The following ANKRD44 variants were observed in gnomAD, a reference collection of about 807,000 sequenced individuals.
ANKRD44 encodes the protein ankyrin repeat domain 44, also known as serine/threonine-protein phosphatase 6 regulatory ankyrin repeat subunit B.
In ANKRD44, 35 loss-of-function variants were observed where a neutral mutation model predicts 116.0. The observed-to-expected ratio is 0.30, with a 90% CI of 0.23 to 0.40. The LOEUF is 0.40. ANKRD44 is among the 10% of genes least tolerant of loss of function. The pLI, the probability that ANKRD44 is intolerant of heterozygous loss-of-function variation, is 1.00. For synonymous variants in ANKRD44, 435 were observed against 461.8 expected (o/e 0.94, Z 0.74); for missense variants, 1,014 against 1,242.6 (o/e 0.82, Z 2.77).
At position 196,987,999 on chromosome 2, in the gene ANKRD44, A is replaced by G; in HGVS notation, c.*1592T>C. On this transcript the variant is annotated 3_prime_UTR_variant, in exon 28 of 28. Transcript: ENST00000282272. ...AGAGGAAGAGAGAGAGAGAGAGATC[A>G]GTTGATGTAATGAACAGTTCATTGT... 1 of 985,360 alleles carries G rather than the reference A, an allele frequency of 1.0e-6. No homozygotes were observed. The allele number at this position is 985,360 out of a possible 1,614,324, so 61.0% of individuals were successfully genotyped here.
chr2:197,269,252 T>C (rs2082826119), intron 1 of ANKRD44, among the ~76,000 whole-genome samples: 1 of 152,168 alleles, frequency 6.6e-6, no homozygotes, highest in Admixed American at 6.5e-5. Flanking sequence ...TGGCCTTTTA[T>C]AAATAAGCAA....
chr2:197,109,057 T>A (rs1574472406), intron 9 of ANKRD44, among the ~76,000 whole-genome samples: 1 of 152,300 alleles, frequency 6.6e-6, no homozygotes, highest in South Asian at 2.1e-4. Context: ...CGCACAGGGA[T>A]GAACCTGCGG....
At chr2:197,148,651 G>A (rs2125439033) in intron 2 of ANKRD44, among the ~76,000 whole-genome samples, 3 of 152,276 alleles carry the variant, frequency 2.0e-5, no homozygotes, top group Admixed American at 2.0e-4. Context: ...AAAACAGATG[G>A]CAGGCAGGGG....
At chr2:197,088,901 T>C (rs753731340) in intron 11 of ANKRD44, 127 bp from the exon 12 acceptor site, 2 of 1,006,382 alleles carry the variant, frequency 2.0e-6, no homozygotes, top group Non-Finnish European at 2.8e-6. Flanking sequence ...CAAGCAATTG[T>C]AGTCAGAAAG....
intron 9 of ANKRD44, among the ~76,000 whole-genome samples, chr2:197,108,022 C>T (rs1355852071): frequency 6.6e-6 from 1 of 152,200 alleles, no homozygotes; most frequent in Non-Finnish European, 1.5e-5. Context: ...AGGGAAAACT[C>T]TATTTCAAAT....
At chr2:197,223,660 A>G (rs1386272762) in intron 1 of ANKRD44, among the ~76,000 whole-genome samples, 1 of 152,244 alleles carries the variant, frequency 6.6e-6, no homozygotes, top group East Asian at 1.9e-4. Context: ...GGATAAAACC[A>G]GAAGGGAAAT....
At chr2:197,284,322 T>C (rs772071592) in intron 1 of ANKRD44, among the ~76,000 whole-genome samples, 2 of 152,166 alleles carry the variant, frequency 1.3e-5, no homozygotes, top group Admixed American at 1.3e-4. Flanking sequence ...AGGACATTCA[T>C]GTTCTATGAC....
chr2:196,994,102 G>A (rs1304042546), intron 26 of ANKRD44, among the ~76,000 whole-genome samples: 1 of 152,158 alleles, frequency 6.6e-6, no homozygotes, highest in Non-Finnish European at 1.5e-5. Flanking sequence ...ACTACTAAAT[G>A]CACACAGATG....
chr2:197,154,180 T>C (rs1178347300), intron 2 of ANKRD44, among the ~76,000 whole-genome samples: 48 of 143,050 alleles, frequency 3.4e-4, no homozygotes, highest in African/African-American at 1.1e-3. Flanking sequence ...CTTTCTTTTT[T>C]TTTTTTTTTT....
intron 2 of ANKRD44, among the ~76,000 whole-genome samples, chr2:197,154,318 T>G (rs541309352): frequency 1.1e-3 from 164 of 151,576 alleles, no homozygotes; most frequent in African/African-American, 3.9e-3. Flanking sequence ...TAGCTGGGAC[T>G]ACAGGCGCCC....
intron 16 of ANKRD44, among the ~76,000 whole-genome samples, chr2:197,032,912 G>A (rs909995924): frequency 1.3e-5 from 2 of 152,182 alleles, no homozygotes; most frequent in African/African-American, 4.8e-5. Flanking sequence ...TGGAGTGAAT[G>A]GTGATGCCTT....
At chr2:197,236,253 A>C (rs879188844) in intron 1 of ANKRD44, among the ~76,000 whole-genome samples, 1 of 152,168 alleles carries the variant, frequency 6.6e-6, no homozygotes, top group Non-Finnish European at 1.5e-5. Context: ...GATACAGTCA[A>C]AAACTATCAC....
In ANKRD44 at chr2:197,212,113, G is replaced by T. The variant is rs771103580; in HGVS notation, c.28-25007C>A. On this transcript the variant is annotated intron_variant, in intron 1 of 27. Transcript: ENST00000282272. The surrounding 1 kb of genome is among the most constrained non-coding windows in gnomAD (Gnocchi z 4.8). ...CTTTGGGGGAAGGAGAGGAGATATT[G>T]CAGAGCTAGAGTTTTGGAACTGGAA... Among the ~76,000 whole-genome samples, 11 of 151,790 alleles carry T rather than the reference G, an allele frequency of 7.2e-5. No homozygotes were observed. The highest frequency in any genetic ancestry group is 1.5e-4 in the Non-Finnish European group (10 of 67,980).
chr2:197,058,260 C>T (rs2077241379), intron 16 of ANKRD44, among the ~76,000 whole-genome samples: 1 of 152,210 alleles, frequency 6.6e-6, no homozygotes, highest in Non-Finnish European at 1.5e-5. Flanking sequence ...TAATCATCTA[C>T]TGCTTCACTC....
At chr2:197,139,769 A>C (rs1381664335) in intron 3 of ANKRD44, among the ~76,000 whole-genome samples, 1 of 152,110 alleles carries the variant, frequency 6.6e-6, no homozygotes, top group African/African-American at 2.4e-5. Context: ...TTCTAACAAA[A>C]TATTTTCAAG....
At chr2:197,125,257 A>T in intron 6 of ANKRD44, 124 bp downstream of exon 6, 1 of 876,318 alleles carries the variant, frequency 1.1e-6, no homozygotes, top group Non-Finnish European at 1.8e-6. Flanking sequence ...CCAAATCTTC[A>T]TTCAATTGCA....
At chr2:197,304,398 C>T (rs2105921223) in intron 1 of ANKRD44, among the ~76,000 whole-genome samples, 1 of 152,272 alleles carries the variant, frequency 6.6e-6, no homozygotes, top group South Asian at 2.1e-4. Context: ...GGAATTAGTC[C>T]TAAGTCATTG....
At chr2:197,176,711 T>C (rs530646898) in intron 2 of ANKRD44, among the ~76,000 whole-genome samples, 3 of 152,238 alleles carry the variant, frequency 2.0e-5, no homozygotes, top group Non-Finnish European at 2.9e-5. Flanking sequence ...AGAAAGACTT[T>C]AGAAAGTACA....
At chr2:197,121,768 G>C (rs2125324872) in intron 7 of ANKRD44, among the ~76,000 whole-genome samples, 1 of 152,334 alleles carries the variant, frequency 6.6e-6, no homozygotes, top group Middle Eastern at 3.4e-3. Flanking sequence ...TGGAGACAGA[G>C]AAGTTTCATC....
Sources: gnomAD v4.1 joint callset for allele counts (sites outside exome capture counted in the v4.1 genomes callset) on GRCh38, gnomAD v4.1.1 for gene constraint, Gnocchi (gnomAD v3.1) non-coding constraint, MANE v1.5 for transcripts, NCBI Gene and HGNC (gene_info 2026-07-23, HGNC 2026-07-21) for gene names.